HMCN1: variants seen among roughly 807,000 people sequenced by gnomAD.
HMCN1 encodes hemicentin 1, also known as hemicentin-1.
HMCN1 carries 321 observed loss-of-function variants against 625.9 expected under a neutral mutation model. The ratio of observed to expected loss-of-function variants is 0.51; its 90% CI spans 0.47 to 0.56. HMCN1 has a LOEUF of 0.56. Ranked by LOEUF, HMCN1 falls within the 20% of genes least tolerant of loss-of-function variation. The pLI, the probability that HMCN1 is intolerant of heterozygous loss-of-function variation, is 0.00. For missense variants in HMCN1, 6,588 were observed against 6,887.3 expected, an observed-to-expected ratio of 0.96 and a Z score of 1.54; for synonymous variants, 2,425 against 2,417.6, an observed-to-expected ratio of 1.00 and a Z score of -0.09.
At chr1:185,856,853 G>A (rs1662499396) in intron 2 of HMCN1, among the ~76,000 whole-genome samples, 1 of 152,134 alleles carries the variant, frequency 6.6e-6, no homozygotes, top group South Asian at 2.1e-4. Flanking sequence ...AAATGATAAG[G>A]CATGGGAGCA....
intron 4 of HMCN1, among the ~76,000 whole-genome samples, chr1:185,866,125 A>T (rs745452383): frequency 1.1e-4 from 16 of 152,150 alleles, no homozygotes; most frequent in Non-Finnish European, 2.4e-4. Flanking sequence ...GGAATCAAAA[A>T]TTTTTGTAGT....
intron 91 of HMCN1, among the ~76,000 whole-genome samples, chr1:186,145,018 G>C (rs183224368): frequency 1.8e-3 from 272 of 152,336 alleles, no homozygotes; most frequent in African/African-American, 6.3e-3. Context: ...CTCTGCCTTA[G>C]TGCCGTCATC....
Position 186,093,611 on chromosome 1 carries a change from G to A in HMCN1, c.10138G>A (p.Gly3380Arg), listed in dbSNP as rs753241116. The A allele has an allele frequency of 8.7e-6, 14 of 1,613,398 alleles. No homozygotes were observed. Among genetic ancestry groups the A allele is most frequent in the Non-Finnish European group, 4.2e-6 (5 of 1,179,626 alleles). ...PPPQINWLKN[G>R]LPLPLSSHIR... is the part of the protein sequence containing the mutation. ...ACCACAGATAAACTGGCTGAAGAAT[G>A]GACTTCCTCTGCCTCTCTCCTCCCA... Residue 3380 changes from glycine (G) to arginine (R), a missense_variant, in exon 66 of 107, where the codon GGA becomes AGA. Physicochemically the swap from Gly to Arg is moderately radical, Grantham distance 125. This residue lies in a region of HMCN1 where 4,628 missense variants were observed against 4,853.1 expected (regional missense o/e 0.95). Transcript: ENST00000271588.
chr1:186,137,361 C>A, intron 87 of HMCN1, 137 bp from the exon 88 acceptor site: 2 of 1,050,616 alleles, frequency 1.9e-6, no homozygotes, highest in African/African-American at 1.6e-5. Flanking sequence ...TTTAATTTTC[C>A]TTAAAGGAGA....
At chr1:186,128,567 T>C (rs536208446) in intron 83 of HMCN1, among the ~76,000 whole-genome samples, 1 of 152,120 alleles carries the variant, frequency 6.6e-6, no homozygotes, top group South Asian at 2.1e-4. Flanking sequence ...GAGAAGGCAG[T>C]ATGTTTATAT....
At position 186,016,151 on chromosome 1, in the gene HMCN1, T is replaced by G. The variant is rs755879982; in HGVS notation, c.5103T>G (p.Ser1701Arg). ...EAGGKKLEIMSAQEIDRGQYI... is the reference protein window; with the variant it reads ...EAGGKKLEIMRAQEIDRGQYI... The stretch of plus-strand genomic sequence containing the variant: ...GTGGGAAGAAACTCGAAATCATGAG[T>G]GCCCAAGAAATTGATCGAGGACAGT... Residue 1701 changes from serine (S) to arginine (R), a missense_variant, in exon 32 of 107, where the codon AGT becomes AGG. Around this residue, in one of 3 missense-constraint regions of HMCN1, gnomAD observed 4,628 missense variants for 4,853.1 expected, o/e 0.95. Coordinates refer to ENST00000271588, the MANE Select transcript of HMCN1 (RefSeq NM_031935.3). The G allele has an allele frequency of 6.2e-7, 1 of 1,613,418 alleles. No individual in the cohort carries two copies. The highest frequency in any genetic ancestry group is 1.7e-5 in the Admixed American group (1 of 59,944).
At chr1:185,977,396 G>A (rs890548134) in intron 15 of HMCN1, among the ~76,000 whole-genome samples, 1 of 152,112 alleles carries the variant, frequency 6.6e-6, no homozygotes, top group African/African-American at 2.4e-5. Context: ...AGTAAGTTAC[G>A]GAAAGTGTCA....
At chr1:185,942,678 C>T (rs939777384) in intron 11 of HMCN1, among the ~76,000 whole-genome samples, 2 of 152,116 alleles carry the variant, frequency 1.3e-5, no homozygotes, top group African/African-American at 4.8e-5. Context: ...CTCCAACTCT[C>T]TAGGCCCCAA....
At chr1:185,964,859 A>C (rs1650288430) in intron 13 of HMCN1, among the ~76,000 whole-genome samples, 2 of 152,116 alleles carry the variant, frequency 1.3e-5, no homozygotes, top group South Asian at 4.1e-4. Context: ...AAGGCAAAGA[A>C]GACAGGAGAG....
chr1:185,806,650 G>A (rs1214897345), intron 1 of HMCN1, among the ~76,000 whole-genome samples: 1 of 151,442 alleles, frequency 6.6e-6, no homozygotes, highest in East Asian at 1.9e-4. Flanking sequence ...TTCGAACCAA[G>A]CATCTCTCAC....
intron 1 of HMCN1, among the ~76,000 whole-genome samples, chr1:185,840,331 C>T (rs748010342): frequency 6.6e-6 from 1 of 152,074 alleles, no homozygotes; most frequent in Non-Finnish European, 1.5e-5. Flanking sequence ...TATATTTATA[C>T]TAACATTTTT....
chr1:185,948,474 G>A (rs1481671037), intron 11 of HMCN1, among the ~76,000 whole-genome samples: 1 of 150,836 alleles, frequency 6.6e-6, no homozygotes, highest in African/African-American at 2.4e-5. Flanking sequence ...GTGGGCAGGA[G>A]TGGGGGTCGC....
At chr1:186,114,754 C>T in intron 73 of HMCN1, 65 bp from the exon 74 acceptor site, 7 of 1,576,758 alleles carry the variant, frequency 4.4e-6, no homozygotes, top group Non-Finnish European at 5.2e-6. Flanking sequence ...ACATTTCCCT[C>T]AGTCAAAATA....
intron 86 of HMCN1, among the ~76,000 whole-genome samples, chr1:186,135,331 G>A (rs568605930): frequency 2.6e-5 from 4 of 152,096 alleles, no homozygotes; most frequent in South Asian, 2.1e-4. Flanking sequence ...TCAGTGATTC[G>A]TTCTGAGTAT....
intron 68 of HMCN1, among the ~76,000 whole-genome samples, chr1:186,101,490 T>C (rs990992960): frequency 5.9e-5 from 9 of 152,156 alleles, no homozygotes; most frequent in South Asian, 2.1e-4. Flanking sequence ...TAATTGCATT[T>C]ATGAATCTGG....
At chr1:185,952,996 G>T (rs1433643384) in intron 11 of HMCN1, among the ~76,000 whole-genome samples, 1 of 150,478 alleles carries the variant, frequency 6.6e-6, no homozygotes, top group East Asian at 1.9e-4. Context: ...TAAGAGGTCA[G>T]GGTGTGGAAA....
rs766271778 is a variant in HMCN1 at position 185,933,559 on chromosome 1, G to A, written c.1563G>A (p.Pro521=). ...TTTGATTTCACACAGAGCCCCCTCC[G>A]GTCATCCAAGTGCCTAACAATGTTA... ...QTFFDVSEPP[P]VIQVPNNVTV... Residue 521 remains proline (P), a synonymous_variant, in exon 11 of 107, where the codon CCG becomes CCA. Transcript: ENST00000271588. 3.7e-5 allele frequency: 60 copies of A among 1,613,678 alleles called. No homozygotes were observed. The highest frequency in any genetic ancestry group is 1.6e-4 in the Middle Eastern group (1 of 6,076).
At chr1:185,817,325 G>A (rs1659904837) in intron 1 of HMCN1, among the ~76,000 whole-genome samples, 1 of 152,156 alleles carries the variant, frequency 6.6e-6, no homozygotes, top group Non-Finnish European at 1.5e-5. Context: ...TGTGTGGGCA[G>A]CAATAGACAG....
intron 93 of HMCN1, 93 bp from the exon 94 acceptor site, chr1:186,151,107 T>A (rs1165291571): frequency 1.6e-6 from 2 of 1,231,954 alleles, no homozygotes; most frequent in Non-Finnish European, 2.4e-6. Flanking sequence ...GAGAAAAGAT[T>A]TGTAGCATCT....
Sources: allele counts gnomAD v4.1 joint callset (sites outside exome capture counted in the v4.1 genomes callset), GRCh38; gene constraint gnomAD v4.1.1; regional missense constraint gnomAD v4.1.1; transcripts MANE v1.5; gene names NCBI Gene and HGNC (gene_info 2026-07-23, HGNC 2026-07-21).